Variants in GFOD1 observed in about 807,000 individuals in gnomAD.
GFOD1 encodes glucose-fructose oxidoreductase domain-containing protein 1.
GFOD1 carries 9 observed loss-of-function variants against 25.4 expected under a neutral mutation model. The ratio of observed to expected loss-of-function variants is 0.35; its 90% confidence interval spans 0.21 to 0.62. The LOEUF is 0.62. GFOD1 is among the 20% of genes least tolerant of loss of function. GFOD1 has a pLI of 0.72. For missense variants in GFOD1, 403 were observed against 556.9 expected (o/e 0.72, Z 2.78); for synonymous variants, 253 against 245.6 (o/e 1.03, Z -0.28).
intron 1 of GFOD1, among the ~76,000 whole-genome samples, chr6:13,473,395 T>C (rs1428491147): frequency 6.6e-6 from 1 of 152,200 alleles, no homozygotes; most frequent in African/African-American, 2.4e-5. Context: ...CTGAATCAAC[T>C]TTTGCAGTTC....
intron 1 of GFOD1, among the ~76,000 whole-genome samples, chr6:13,374,833 C>T (rs947731723): frequency 6.8e-6 from 1 of 147,808 alleles, no homozygotes; most frequent in Non-Finnish European, 1.5e-5. Context: ...ACCTCTGCCT[C>T]CCGGGCTCAA....
At chr6:13,379,441 T>A (rs2127558200) in intron 1 of GFOD1, among the ~76,000 whole-genome samples, 1 of 152,282 alleles carries the variant, frequency 6.6e-6, no homozygotes, top group Middle Eastern at 3.4e-3. Flanking sequence ...AAGGTGGAGA[T>A]CTGTGCTGGC....
intron 1 of GFOD1, among the ~76,000 whole-genome samples, chr6:13,410,537 A>T (rs1216528088): frequency 6.6e-6 from 1 of 150,932 alleles, no homozygotes; most frequent in Non-Finnish European, 1.5e-5. Context: ...ATTGCACTCC[A>T]GCCTGGGCAA....
chr6:13,457,838 C>T (rs1025391435), intron 1 of GFOD1, among the ~76,000 whole-genome samples: 3 of 152,214 alleles, frequency 2.0e-5, no homozygotes, highest in Non-Finnish European at 4.4e-5. Flanking sequence ...ATTCGCTTGA[C>T]CCGTTCCAGC....
At chr6:13,480,147 G>C (rs1387228773) in intron 1 of GFOD1, among the ~76,000 whole-genome samples, 1 of 152,174 alleles carries the variant, frequency 6.6e-6, no homozygotes, top group Non-Finnish European at 1.5e-5. Flanking sequence ...AATTGCTCCA[G>C]GTCCTCAGCT....
chr6:13,391,574 G>A lies in GFOD1; in HGVS notation c.254-25912C>T, dbSNP rs367950807. On this transcript the variant is annotated intron_variant, in intron 1 of 1. Transcript: ENST00000379287. ...GCCAAGGAAAATAATGTACTATTTC[G>A]TAGAGTCCATATCAATTGAATAGGT... Among the ~76,000 whole-genome samples the A allele has an allele frequency of 3.1e-4, 46 of 150,584 alleles. No homozygotes were observed. In the South Asian group the frequency reaches 5.5e-3, roughly 18 times the overall value.
At chr6:13,424,807 T>C (rs192798939) in intron 1 of GFOD1, among the ~76,000 whole-genome samples, 2 of 152,246 alleles carry the variant, frequency 1.3e-5, no homozygotes, top group South Asian at 2.1e-4. Context: ...GAATTATCCA[T>C]CCAATCTAGA....
At chr6:13,389,409 T>TAC (rs1192645467) in intron 1 of GFOD1, among the ~76,000 whole-genome samples, 1 of 152,208 alleles carries the variant, frequency 6.6e-6, no homozygotes, top group Non-Finnish European at 1.5e-5. Context: ...GTGGCACATA[T>TAC]ACACCATGGA....
chr6:13,456,332 GC>G (rs1347320268), intron 1 of GFOD1, among the ~76,000 whole-genome samples: 2 of 151,798 alleles, frequency 1.3e-5, no homozygotes, highest in Non-Finnish European at 2.9e-5. Flanking sequence ...CCACCACCAC[GC>G]CCGGCTGACT....
chr6:13,406,757 T>C (rs187009391), intron 1 of GFOD1, among the ~76,000 whole-genome samples: 180 of 152,306 alleles, frequency 1.2e-3, no homozygotes, highest in African/African-American at 4.0e-3. Context: ...TTAAAGTGTC[T>C]GACAGTAGGT....
intron 1 of GFOD1, among the ~76,000 whole-genome samples, chr6:13,464,101 C>T (rs192295862): frequency 2.6e-5 from 4 of 152,336 alleles, no homozygotes; most frequent in East Asian, 1.9e-4. Flanking sequence ...GATTTACCCC[C>T]ACTCATTTTC....
rs572048543 is a variant in GFOD1 at position 13,457,725 on chromosome 6, T to C, written c.253+28913A>G. ...AGTCATCCTTAACGCAGTTCTAAAC[T>C]AGACTCTATGACACATGTTCTTTGA... On this transcript the variant is annotated intron_variant, in intron 1 of 1. Transcript: ENST00000379287. Among the ~76,000 whole-genome samples the C allele has an allele frequency of 2.6e-4, 39 of 152,344 alleles. No individual in the cohort carries two copies. In the Middle Eastern group the frequency reaches 0.01, roughly 40 times the overall value.
At chr6:13,459,206 A>C (rs1284782802) in intron 1 of GFOD1, among the ~76,000 whole-genome samples, 6 of 152,092 alleles carry the variant, frequency 3.9e-5, no homozygotes, top group African/African-American at 1.4e-4. Context: ...AAGACCACAC[A>C]TTTCCAACCA....
chr6:13,403,827 T>C (rs750983727), intron 1 of GFOD1, among the ~76,000 whole-genome samples: 5 of 152,176 alleles, frequency 3.3e-5, no homozygotes, highest in Non-Finnish European at 7.4e-5. Flanking sequence ...GGCAAATCTA[T>C]AGAAACAGAA....
chr6:13,370,707 G>A (rs1327100983), intron 1 of GFOD1, among the ~76,000 whole-genome samples: 1 of 113,036 alleles, frequency 8.8e-6, no homozygotes, highest in Non-Finnish European at 1.9e-5. Context: ...GTGTATATGT[G>A]TTTATGTGTG....
intron 1 of GFOD1, among the ~76,000 whole-genome samples, chr6:13,398,488 T>G (rs1785780683): frequency 6.6e-6 from 1 of 152,244 alleles, no homozygotes. Context: ...TATGTAAATT[T>G]ACCTGAATAA....
chr6:13,443,782 C>T (rs1299647229), intron 1 of GFOD1, among the ~76,000 whole-genome samples: 2 of 147,534 alleles, frequency 1.4e-5, no homozygotes, highest in Non-Finnish European at 3.0e-5. Flanking sequence ...CACCATTGCA[C>T]TCCAGCCTGG....
intron 1 of GFOD1, among the ~76,000 whole-genome samples, chr6:13,390,780 A>AAGG (rs1785581911): frequency 4.2e-5 from 5 of 117,902 alleles, no homozygotes; most frequent in Non-Finnish European, 7.2e-5. Context: ...AGAGAGAGAG[A>AAGG]AAGGAAGGAA....
At chr6:13,367,474 C>G (rs941185350) in intron 1 of GFOD1, among the ~76,000 whole-genome samples, 2 of 152,166 alleles carry the variant, frequency 1.3e-5, no homozygotes, top group African/African-American at 2.4e-5. Context: ...CTTCCCGACC[C>G]CCATCTGCTT....
Sources: gnomAD v4.1 joint callset for allele counts (sites outside exome capture counted in the v4.1 genomes callset) on GRCh38, gnomAD v4.1.1 for gene constraint, MANE v1.5 for transcripts, NCBI Gene and HGNC (gene_info 2026-07-23, HGNC 2026-07-21) for gene names.